The following PRKCH variants were observed in gnomAD, a reference collection of about 807,000 sequenced individuals.
The protein encoded by PRKCH is protein kinase C eta type.
A neutral mutation model predicts 82.5 loss-of-function variants in PRKCH; 28 were observed. The observed-to-expected ratio is 0.34, with a 90% confidence interval of 0.25 to 0.47. The LOEUF (loss-of-function observed/expected upper bound fraction) is 0.47. PRKCH is among the 20% of genes least tolerant of loss of function. The pLI, the probability that PRKCH is intolerant of heterozygous loss-of-function variation, is 1.00. For synonymous variants in PRKCH, 322 were observed against 327.4 expected, an observed-to-expected ratio of 0.98 and a Z score of 0.18; for missense variants, 705 against 881.8, an observed-to-expected ratio of 0.80 and a Z score of 2.54.
intron 9 of PRKCH, among the ~76,000 whole-genome samples, chr14:61,470,966 C>T (rs1041058904): frequency 5.3e-5 from 8 of 152,114 alleles, no homozygotes; most frequent in Non-Finnish European, 7.4e-5. Flanking sequence ...CCACAGACTC[C>T]ACGGTTTTCT....
intron 1 of PRKCH, among the ~76,000 whole-genome samples, chr14:61,293,334 C>A (rs1348938833): frequency 6.6e-6 from 1 of 152,186 alleles, no homozygotes; most frequent in Non-Finnish European, 1.5e-5. Context: ...GCCTGGTGGG[C>A]TAGGCAGCAA....
intron 1 of PRKCH, among the ~76,000 whole-genome samples, chr14:61,326,630 T>A (rs2045700238): frequency 6.6e-6 from 1 of 152,248 alleles, no homozygotes; most frequent in Non-Finnish European, 1.5e-5. Context: ...AATCAGCGCT[T>A]ATCCATATTT....
intron 10 of PRKCH, among the ~76,000 whole-genome samples, chr14:61,500,934 A>G (rs1886877857): frequency 6.6e-6 from 1 of 152,196 alleles, no homozygotes. Flanking sequence ...AAGACTGGCC[A>G]CAGACTCAGG....
chr14:61,295,102 A>G (rs1160278119), intron 1 of PRKCH, among the ~76,000 whole-genome samples: 1 of 152,032 alleles, frequency 6.6e-6, no homozygotes, highest in Non-Finnish European at 1.5e-5. Flanking sequence ...CCAGCCTCAA[A>G]TGATCCACCT....
intron 11 of PRKCH, among the ~76,000 whole-genome samples, chr14:61,530,079 C>T (rs775376076): frequency 1.7e-4 from 26 of 152,126 alleles, no homozygotes; most frequent in Non-Finnish European, 3.7e-4. Context: ...TCCTTGAATC[C>T]TTCCCGTATG....
At chr14:61,188,739 G>GTGTGTGTGT (rs1491089927) in intron 1 of PRKCH, among the ~76,000 whole-genome samples, 32 of 144,410 alleles carry the variant, frequency 2.2e-4, no homozygotes, top group Middle Eastern at 3.7e-3. Context: ...GTGTGTGTGT[G>GTGTGTGTGT]ATGGAGTTTT....
At chr14:61,246,611 C>T (rs1033696506) in intron 1 of PRKCH, among the ~76,000 whole-genome samples, 1 of 152,030 alleles carries the variant, frequency 6.6e-6, no homozygotes, top group Non-Finnish European at 1.5e-5. Context: ...CCTGCCCTGG[C>T]TCCCCATTAT....
intron 12 of PRKCH, among the ~76,000 whole-genome samples, chr14:61,540,764 G>T (rs1387505239): frequency 6.6e-6 from 1 of 152,140 alleles, no homozygotes; most frequent in Non-Finnish European, 1.5e-5. Context: ...GTGGTCCATT[G>T]CCATGAGTGT....
chr14:61,271,365 T>C (rs2045152308), intron 1 of PRKCH, among the ~76,000 whole-genome samples: 1 of 152,198 alleles, frequency 6.6e-6, no homozygotes, highest in Admixed American at 6.5e-5. Flanking sequence ...AGTGAAGTCT[T>C]CAGTTCTGGT....
intron 1 of PRKCH, among the ~76,000 whole-genome samples, chr14:61,329,714 ATTACCCAGACAAC>A (rs1329913057): frequency 6.6e-6 from 1 of 152,136 alleles, no homozygotes; most frequent in Non-Finnish European, 1.5e-5. Flanking sequence ...ATGGGCATTA[ATTACCCAGACAAC>A]TGTCCCTGAT....
chr14:61,328,546 A>G (rs2045734993), intron 1 of PRKCH, among the ~76,000 whole-genome samples: 2 of 152,138 alleles, frequency 1.3e-5, no homozygotes, highest in African/African-American at 4.8e-5. Context: ...TATCTTATGC[A>G]ACTCTTAGTG....
chr14:61,528,395 T>C (rs1422350114), intron 10 of PRKCH, among the ~76,000 whole-genome samples: 1 of 152,060 alleles, frequency 6.6e-6, no homozygotes, highest in Non-Finnish European at 1.5e-5. Flanking sequence ...ATGTTGCCCA[T>C]GTTGTCCAGG....
rs186766091 is a variant in PRKCH, at chr14:61,519,140, G to A, written c.1434-9935G>A. On this transcript the variant is annotated intron_variant, in intron 10 of 13. Transcript: ENST00000332981. ...TCTACAAAAAATTTAAAGATTAGCC[G>A]GGTGTGGTGATGTGTGCCTGGAGTG... 6.2e-4 allele frequency among the ~76,000 whole-genome samples: 95 copies of A among 152,176 alleles called. 1 individual carries two copies. Among genetic ancestry groups the A allele is most frequent in the Admixed American group, 9.2e-4 (14 of 15,284 alleles).
rs2043312256 is a variant in PRKCH at position 61,550,562 on chromosome 14, A to T, written c.*731A>T. 1.3e-5 allele frequency: 2 copies of T among 152,648 alleles called. No individual in the cohort carries two copies. The allele number at this position is 152,648 out of a possible 1,614,324, so 9.5% of individuals were successfully genotyped here. On this transcript the variant is annotated 3_prime_UTR_variant, in exon 14 of 14. Transcript: ENST00000332981. ...CATTCATTCTGGAGTCTACTAATTT[A>T]CCTGAATGGTGTTTGCATTCTGTGA...
At chr14:61,260,020 T>C (rs996519607) in intron 1 of PRKCH, among the ~76,000 whole-genome samples, 1 of 152,090 alleles carries the variant, frequency 6.6e-6, no homozygotes, top group Non-Finnish European at 1.5e-5. Context: ...CCAGAAAAGA[T>C]TAAAGACCAG....
chr14:61,500,856 A>G (rs1886874093), intron 10 of PRKCH, among the ~76,000 whole-genome samples: 1 of 152,132 alleles, frequency 6.6e-6, no homozygotes, highest in African/African-American at 2.4e-5. Context: ...GGGTATGTCA[A>G]AATAGAGGTA....
chr14:61,390,667 T>C (rs1347409970), intron 1 of PRKCH: 2 of 152,538 alleles, frequency 1.3e-5, no homozygotes, highest in African/African-American at 4.8e-5. Flanking sequence ...AAACTACCTC[T>C]CTCTCTCAAA....
chr14:61,449,339 C>T (rs1374209299), intron 5 of PRKCH, 87 bp downstream of exon 5: 2 of 1,139,092 alleles, frequency 1.8e-6, no homozygotes, highest in Non-Finnish European at 2.6e-6. Flanking sequence ...TCCCTCCTTT[C>T]CTCCCCCTCT....
chr14:61,410,393 T>C (rs8004774), intron 2 of PRKCH, among the ~76,000 whole-genome samples: 3,069 of 152,300 alleles, frequency 0.02, 127 homozygotes, highest in African/African-American at 0.07. Flanking sequence ...TTAATCTTTT[T>C]ACTCTGCTCC....
Sources: gnomAD v4.1 joint callset for allele counts (sites outside exome capture counted in the v4.1 genomes callset) on GRCh38, gnomAD v4.1.1 for gene constraint, MANE v1.5 for transcripts, NCBI Gene and HGNC (gene_info 2026-07-23, HGNC 2026-07-21) for gene names.